Variants in PLEKHM3 observed in about 807,000 individuals in gnomAD.
PLEKHM3 encodes the protein pleckstrin homology domain containing M3.
A neutral mutation model predicts 81.8 loss-of-function variants in PLEKHM3; 45 were observed. That is an observed-to-expected ratio of 0.55 (90% CI 0.43 to 0.71). The LOEUF (loss-of-function observed/expected upper bound fraction) is 0.71. Ranked by LOEUF, PLEKHM3 falls within the 30% of genes least tolerant of loss-of-function variation. The pLI is 0.00. For synonymous variants in PLEKHM3, 352 were observed against 356.4 expected (o/e 0.99, Z 0.14); for missense variants, 788 against 924.3 (o/e 0.85, Z 1.91).
intron 2 of PLEKHM3, among the ~76,000 whole-genome samples, chr2:207,985,415 T>C (rs1178908602): frequency 6.6e-6 from 1 of 151,970 alleles, no homozygotes; most frequent in African/African-American, 2.4e-5. Context: ...CAAATACTAT[T>C]TCATGCTCAT....
In PLEKHM3 at chr2:207,828,188, A is replaced by ATATATATTTATT; in HGVS notation, c.*130_*131insAATAAATATATA. On this transcript the variant is annotated 3_prime_UTR_variant, in exon 8 of 8. Transcript: ENST00000427836. The stretch of plus-strand genomic sequence containing the variant: ...GGTATTTGCGTATATATAAATAAAT[A>ATATATATTTATT]TATATATCTATATCTAGTTGAAGAG... The ATATATATTTATT allele has an allele frequency of 4.3e-6, 3 of 697,912 alleles. No homozygotes were observed. Among genetic ancestry groups the ATATATATTTATT allele is most frequent in the South Asian group, 3.0e-5 (1 of 32,816 alleles). 43.2% of individuals were successfully genotyped at this position (697,912 alleles called of 1,614,324 possible). A position where few individuals can be genotyped will look rare whatever the true frequency, so the allele number is the denominator to read the frequency against.
Position 207,828,443 on chromosome 2 carries a change from G to C in PLEKHM3, c.2162C>G (p.Pro721Arg), listed in dbSNP as rs781575909. Residue 721 changes from proline (P) to arginine (R), a missense_variant, in exon 8 of 8, where the codon CCC (proline) becomes CGC (arginine). Physicochemically the swap from Pro to Arg is moderately radical, Grantham distance 103. Transcript: ENST00000427836. Reference protein sequence around the residue: ...FHSECKEKSVPCPRCVRRELQ... With the variant: ...FHSECKEKSVRCPRCVRRELQ... ...CTCTCGGCGAACACACCTCGGGCAG[G>C]GGACAGACTTTTCTTTGCATTCAGA... is the stretch of plus-strand genomic sequence containing the variant. The C allele has an allele frequency of 1.1e-5, 17 of 1,614,056 alleles. No homozygotes were observed. The highest frequency in any genetic ancestry group is 1.4e-5 in the Non-Finnish European group (17 of 1,180,020).
At chr2:207,919,599 A>C (rs1393830154) in intron 5 of PLEKHM3, among the ~76,000 whole-genome samples, 2 of 152,066 alleles carry the variant, frequency 1.3e-5, no homozygotes, top group Non-Finnish European at 2.9e-5. Flanking sequence ...TATGAGAGAA[A>C]GGTGTTTGGC....
At chr2:207,913,196 T>A (rs1454797663) in intron 5 of PLEKHM3, among the ~76,000 whole-genome samples, 4 of 152,028 alleles carry the variant, frequency 2.6e-5, no homozygotes, top group Non-Finnish European at 4.4e-5. Flanking sequence ...CGGTTGGAAC[T>A]GTCTTTGGAA....
At chr2:208,016,697 C>A (rs933468715) in intron 1 of PLEKHM3, among the ~76,000 whole-genome samples, 2 of 78,380 alleles carry the variant, frequency 2.6e-5, no homozygotes, top group Non-Finnish European at 3.1e-5. Flanking sequence ...ACACACACAC[C>A]CTGGTTTCAT....
intron 2 of PLEKHM3, among the ~76,000 whole-genome samples, chr2:207,996,164 A>G (rs1692113825): frequency 6.6e-6 from 1 of 152,222 alleles, no homozygotes; most frequent in South Asian, 2.1e-4. Flanking sequence ...TTTATAAGCC[A>G]CACACAGTCA....
Position 207,821,559 on chromosome 2 carries a change from G to A in PLEKHM3, c.*6760C>T, listed in dbSNP as rs528864978. ...GCTACTACAAATAACTTAACACAAA[G>A]TGATATAACAGCCCAGACCCAAAAT... On this transcript the variant is annotated 3_prime_UTR_variant, in exon 8 of 8. Transcript: ENST00000427836. The A allele has an allele frequency of 4.7e-4, 71 of 152,168 alleles. No homozygotes were observed. The highest frequency in any genetic ancestry group is 1.6e-3 in the African/African-American group (65 of 41,504). The allele number at this position is 152,168 out of a possible 1,614,324, so 9.4% of individuals were successfully genotyped here.
chr2:207,828,554 G>GGGA, intron 7 of PLEKHM3, 58 bp from the exon 8 acceptor site: 1 of 1,554,980 alleles, frequency 6.4e-7, no homozygotes, highest in Non-Finnish European at 8.7e-7. Flanking sequence ...GACACAAATG[G>GGGA]GAAGCCCTGT....
intron 6 of PLEKHM3, 95 bp from the exon 7 acceptor site, chr2:207,861,357 C>G: frequency 7.9e-7 from 1 of 1,267,660 alleles, no homozygotes; most frequent in South Asian, 1.6e-5. Flanking sequence ...CTTTACACAA[C>G]AGGAAAACCT....
At position 208,001,266 on chromosome 2, in the gene PLEKHM3, C is replaced by T. The variant is rs748190318; in HGVS notation, c.374G>A (p.Arg125His). Residue 125 changes from arginine to histidine, a missense_variant, in exon 2 of 8, where the codon CGT becomes CAT. Physicochemically the swap from Arg to His is conservative, Grantham distance 29. Coordinates refer to ENST00000427836, the MANE Select transcript of PLEKHM3 (RefSeq NM_001080475.3). ...TACAGAACGAGGCCGGTCCCTCCGA[C>T]GCTGACAGATATTGAAGAAATTAAA... ...STFNFFNICQ[R>H]RRDRPRSVND... 1.2e-5 allele frequency: 20 copies of T among 1,614,058 alleles called. No individual in the cohort carries two copies. Among genetic ancestry groups the T allele is most frequent in the African/African-American group, 5.3e-5 (4 of 74,932 alleles).
intron 7 of PLEKHM3, among the ~76,000 whole-genome samples, chr2:207,846,036 G>A (rs2105893314): frequency 6.6e-6 from 1 of 152,312 alleles, no homozygotes; most frequent in African/African-American, 2.4e-5. Flanking sequence ...TTAAAACAGT[G>A]CCATATGCCT....
In PLEKHM3 at chr2:207,878,296, A is replaced by G. The variant is rs573472740; in HGVS notation, c.1951-17034T>C. On this transcript the variant is annotated intron_variant, in intron 6 of 7. Transcript: ENST00000427836. ...GCACTTAGAACACTGGAAGGCACAC[A>G]GTGAGCATTAAAAAAAAAACTATTA... Among the ~76,000 whole-genome samples the G allele has an allele frequency of 1.2e-3, 167 of 141,748 alleles. 1 individual carries two copies. The highest frequency in any genetic ancestry group is 7.3e-3 in the Middle Eastern group (2 of 274). The allele number at this position is 141,748 out of a possible 152,430, so 93.0% of individuals were successfully genotyped here.
intron 6 of PLEKHM3, among the ~76,000 whole-genome samples, chr2:207,901,541 T>C (rs142350535): frequency 3.3e-5 from 5 of 152,344 alleles, no homozygotes; most frequent in African/African-American, 4.8e-5. Flanking sequence ...CCCTGTACGA[T>C]GTGAAACACA....
intron 7 of PLEKHM3, among the ~76,000 whole-genome samples, chr2:207,855,371 A>G (rs1051855949): frequency 3.3e-5 from 5 of 152,244 alleles, no homozygotes; most frequent in African/African-American, 1.2e-4. Context: ...CAAAGTACAA[A>G]TGAACTATGC....
chr2:207,932,736 G>A (rs1207231009), intron 4 of PLEKHM3, among the ~76,000 whole-genome samples: 1 of 152,164 alleles, frequency 6.6e-6, no homozygotes. Flanking sequence ...CTGGTGGGGA[G>A]AGGGTTGGCA....
At chr2:207,931,692 G>T (rs947189045) in intron 4 of PLEKHM3, among the ~76,000 whole-genome samples, 9 of 152,300 alleles carry the variant, frequency 5.9e-5, no homozygotes, top group African/African-American at 2.2e-4. Context: ...GTAAATCAAG[G>T]CCGGGTGTGG....
intron 4 of PLEKHM3, among the ~76,000 whole-genome samples, chr2:207,943,867 C>CAAAAAA (rs66843432): frequency 4.4e-4 from 33 of 75,752 alleles, no homozygotes; most frequent in East Asian, 1.3e-3. Flanking sequence ...GACTCCGTCT[C>CAAAAAA]AAAAAAAAAA....
chr2:207,876,897 G>C (rs764351133), intron 6 of PLEKHM3, among the ~76,000 whole-genome samples: 3 of 152,174 alleles, frequency 2.0e-5, no homozygotes, highest in Non-Finnish European at 2.9e-5. Context: ...ACAGTAAAAG[G>C]AGGAGAAACA....
chr2:207,897,194 C>T (rs890851834), intron 6 of PLEKHM3, among the ~76,000 whole-genome samples: 2 of 152,136 alleles, frequency 1.3e-5, no homozygotes, highest in African/African-American at 4.8e-5. Context: ...GACTATATAG[C>T]TGCAGCTATA....
Sources: allele counts gnomAD v4.1 joint callset (sites outside exome capture counted in the v4.1 genomes callset), GRCh38; gene constraint gnomAD v4.1.1; transcripts MANE v1.5; gene names NCBI Gene and HGNC (gene_info 2026-07-23, HGNC 2026-07-21).